LEKR1: variants seen among roughly 807,000 people sequenced by gnomAD.
LEKR1 encodes leucine, glutamate and lysine rich 1.
In LEKR1, 59 loss-of-function variants were observed where a neutral mutation model predicts 72.4. The ratio of observed to expected loss-of-function variants is 0.82; its 90% CI spans 0.66 to 1.01. The LOEUF is 1.01. LEKR1 is among the 50% of genes least tolerant of loss of function. The pLI, the probability that LEKR1 is intolerant of heterozygous loss-of-function variation, is 0.00. For missense variants in LEKR1, 728 were observed against 759.2 expected (o/e 0.96, Z 0.48); for synonymous variants, 257 against 263.2 (o/e 0.98, Z 0.23).
At chr3:156,924,623 C>T (rs1409565440) in intron 4 of LEKR1, 3 of 564,742 alleles carry the variant, frequency 5.3e-6, no homozygotes, top group Non-Finnish European at 9.5e-6. Context: ...CAGCTAACTT[C>T]TGTGTATGAT....
chr3:156,915,955 G>A (rs1430381539), intron 3 of LEKR1, among the ~76,000 whole-genome samples: 1 of 152,060 alleles, frequency 6.6e-6, no homozygotes, highest in Non-Finnish European at 1.5e-5. Context: ...TATGGAAGGG[G>A]TTTAGTTTCA....
At chr3:156,887,463 T>C (rs1246542370) in intron 3 of LEKR1, among the ~76,000 whole-genome samples, 1 of 152,206 alleles carries the variant, frequency 6.6e-6, no homozygotes, top group Non-Finnish European at 1.5e-5. Flanking sequence ...GATATGTTAC[T>C]TCATATTTAG....
chr3:157,022,158 T>C (rs967070933), intron 10 of LEKR1, among the ~76,000 whole-genome samples: 8 of 152,176 alleles, frequency 5.3e-5, no homozygotes, highest in Non-Finnish European at 8.8e-5. Flanking sequence ...TCAAGTCCTA[T>C]GACTGGCATG....
At chr3:156,919,647 A>G (rs1288040682) in intron 3 of LEKR1, among the ~76,000 whole-genome samples, 4 of 152,232 alleles carry the variant, frequency 2.6e-5, no homozygotes, top group Non-Finnish European at 5.9e-5. Context: ...GTACATTTAT[A>G]TTAGAAATAG....
intron 3 of LEKR1, among the ~76,000 whole-genome samples, chr3:156,899,343 C>CATAT (rs1293520687): frequency 1.7e-5 from 2 of 119,730 alleles, no homozygotes; most frequent in South Asian, 4.6e-4. Flanking sequence ...CATATATACA[C>CATAT]ATATATACAT....
At chr3:157,043,152 C>T (rs1278789354) in intron 12 of LEKR1, among the ~76,000 whole-genome samples, 1 of 152,194 alleles carries the variant, frequency 6.6e-6, no homozygotes, top group Non-Finnish European at 1.5e-5. Flanking sequence ...TGCCTTCCAC[C>T]ATGACTAAAA....
At chr3:157,016,454 G>A (rs1318865444) in intron 10 of LEKR1, among the ~76,000 whole-genome samples, 1 of 152,046 alleles carries the variant, frequency 6.6e-6, no homozygotes, top group Non-Finnish European at 1.5e-5. Flanking sequence ...GGGCAATGAG[G>A]AAAGCTGTCA....
intron 2 of LEKR1, among the ~76,000 whole-genome samples, chr3:156,846,386 A>G (rs1576651040): frequency 6.6e-6 from 1 of 151,194 alleles, no homozygotes; most frequent in East Asian, 1.9e-4. Context: ...TATCCTTGCC[A>G]TTTTCCCAAC....
intron 9 of LEKR1, among the ~76,000 whole-genome samples, chr3:156,996,908 T>C (rs1731622633): frequency 6.6e-6 from 1 of 151,968 alleles, no homozygotes; most frequent in Non-Finnish European, 1.5e-5. Context: ...CTTCTAAAAA[T>C]ACAAAAATTA....
chr3:157,023,709 G>T (rs1168662301), intron 10 of LEKR1, among the ~76,000 whole-genome samples: 1 of 152,148 alleles, frequency 6.6e-6, no homozygotes, highest in East Asian at 1.9e-4. Context: ...GCAGAGCCAG[G>T]ATTAAGAGCC....
intron 6 of LEKR1, among the ~76,000 whole-genome samples, chr3:156,967,785 A>T (rs547848022): frequency 1.3e-5 from 2 of 152,298 alleles, no homozygotes; most frequent in Admixed American, 6.5e-5. Context: ...TGCCACAAAG[A>T]TACTCCTCGA....
chr3:156,953,504 C>T (rs919237896), intron 6 of LEKR1, among the ~76,000 whole-genome samples: 4 of 151,662 alleles, frequency 2.6e-5, no homozygotes, highest in African/African-American at 7.3e-5. Context: ...GCTCTTCCTC[C>T]CTTCAACCCC....
intron 6 of LEKR1, among the ~76,000 whole-genome samples, chr3:156,949,647 C>T (rs1206939016): frequency 6.6e-6 from 1 of 151,090 alleles, no homozygotes; most frequent in Admixed American, 6.6e-5. Flanking sequence ...TAATAACAGT[C>T]CCGACCTTCT....
chr3:156,925,675 C>A (rs564009687), intron 4 of LEKR1, among the ~76,000 whole-genome samples: 1 of 151,942 alleles, frequency 6.6e-6, no homozygotes, highest in African/African-American at 2.4e-5. Context: ...CTGGTGAAAG[C>A]GAGATGAATG....
chr3:157,016,190 T>C (rs947425198), intron 10 of LEKR1, among the ~76,000 whole-genome samples: 2 of 151,944 alleles, frequency 1.3e-5, no homozygotes. Context: ...GACGGAAAGT[T>C]TTACAAATTT....
chr3:156,998,003 G>A (rs1167952180), intron 9 of LEKR1, among the ~76,000 whole-genome samples: 2 of 152,172 alleles, frequency 1.3e-5, no homozygotes, highest in African/African-American at 2.4e-5. Flanking sequence ...GCTTGGTCAC[G>A]GACACACTGG....
intron 3 of LEKR1, among the ~76,000 whole-genome samples, chr3:156,885,250 TTAA>T (rs1343224416): frequency 1.3e-5 from 2 of 152,242 alleles, no homozygotes; most frequent in African/African-American, 4.8e-5. Flanking sequence ...CTTGAGTGTC[TTAA>T]TAATCATCCT....
rs572556590 is a variant in LEKR1 at position 156,847,665 on chromosome 3, C to A, written c.49-5103C>A. ...TTCTATAGCAGTTTTGGTTACAGAA[C>A]ATTATTTACAATTTAATAGCATTGA... On this transcript the variant is annotated intron_variant, in intron 2 of 12. Coordinates refer to ENST00000356539, the MANE Select transcript of LEKR1 (RefSeq NM_001004316.3). Among the ~76,000 whole-genome samples the A allele has an allele frequency of 6.6e-5, 10 of 152,274 alleles. No homozygotes were observed. In the South Asian group the frequency reaches 2.1e-3, roughly 32 times the overall value.
chr3:157,026,997 G>A (rs1293537260), intron 11 of LEKR1, among the ~76,000 whole-genome samples: 2 of 152,114 alleles, frequency 1.3e-5, no homozygotes, highest in Non-Finnish European at 2.9e-5. Context: ...TTCTACAACT[G>A]TGCTGTCCGT....
Sources: gnomAD v4.1 joint callset for allele counts (sites outside exome capture counted in the v4.1 genomes callset) on GRCh38, gnomAD v4.1.1 for gene constraint, MANE v1.5 for transcripts, NCBI Gene and HGNC (gene_info 2026-07-23, HGNC 2026-07-21) for gene names.